CACNG2: variants seen among roughly 807,000 people sequenced by gnomAD.
CACNG2 encodes the protein calcium voltage-gated channel auxiliary subunit gamma 2, also known as voltage-dependent calcium channel gamma-2 subunit.
CACNG2 carries 3 observed loss-of-function variants against 25.9 expected under a neutral mutation model. The ratio of observed to expected loss-of-function variants is 0.12; its 90% CI spans 0.05 to 0.30. The LOEUF (loss-of-function observed/expected upper bound fraction) is 0.30, where lower values mean the gene tolerates loss of function less well. Among genes scored for constraint, CACNG2 ranks in the 10% least tolerant of loss-of-function variants. CACNG2 has a pLI of 1.00. For missense variants in CACNG2, 341 were observed against 432.5 expected, an observed-to-expected ratio of 0.79 and a Z score of 1.88; for synonymous variants, 167 against 173.3, an observed-to-expected ratio of 0.96 and a Z score of 0.29.
intron 1 of CACNG2, among the ~76,000 whole-genome samples, chr22:36,665,110 CT>C (rs1194534612): frequency 6.6e-6 from 1 of 152,142 alleles, no homozygotes; most frequent in African/African-American, 2.4e-5. Flanking sequence ...CTTGGGCAGC[CT>C]GTAGGATTTA....
intron 3 of CACNG2, among the ~76,000 whole-genome samples, chr22:36,565,490 T>G (rs1935110312): frequency 6.6e-6 from 1 of 152,108 alleles, no homozygotes; most frequent in Non-Finnish European, 1.5e-5. Flanking sequence ...TTCCTTTTTT[T>G]TTTTTTAAGA....
chr22:36,680,807 C>T (rs918046426), intron 1 of CACNG2, among the ~76,000 whole-genome samples: 1 of 148,092 alleles, frequency 6.8e-6, no homozygotes, highest in Non-Finnish European at 1.5e-5. Flanking sequence ...CATCAATCAC[C>T]ACCACCTTCA....
intron 1 of CACNG2, among the ~76,000 whole-genome samples, chr22:36,594,288 T>C (rs1935639313): frequency 6.6e-6 from 1 of 152,214 alleles, no homozygotes; most frequent in Admixed American, 6.5e-5. Flanking sequence ...CAAAGACAGA[T>C]AGTACAGAAC....
At chr22:36,653,183 G>C (rs1416919082) in intron 1 of CACNG2, among the ~76,000 whole-genome samples, 4 of 152,168 alleles carry the variant, frequency 2.6e-5, no homozygotes, top group Non-Finnish European at 5.9e-5. Flanking sequence ...TATTAGCCGG[G>C]CATGGTGGCA....
chr22:36,677,099 T>A (rs1325825716), intron 1 of CACNG2, among the ~76,000 whole-genome samples: 1 of 151,980 alleles, frequency 6.6e-6, no homozygotes, highest in African/African-American at 2.4e-5. Flanking sequence ...AGAAGAAAAA[T>A]AATAATGAAT....
intron 1 of CACNG2, among the ~76,000 whole-genome samples, chr22:36,600,649 C>A (rs1339845576): frequency 6.6e-6 from 1 of 151,360 alleles, no homozygotes; most frequent in East Asian, 1.9e-4. Context: ...CGAGTTCAAG[C>A]GATTCTTGTG....
At chr22:36,597,318 C>T (rs1286688926) in intron 1 of CACNG2, among the ~76,000 whole-genome samples, 2 of 152,226 alleles carry the variant, frequency 1.3e-5, no homozygotes, top group Non-Finnish European at 2.9e-5. Flanking sequence ...CCCACTGTGC[C>T]AGGCCCCTTT....
At chr22:36,681,207 C>T (rs1031880883) in intron 1 of CACNG2, among the ~76,000 whole-genome samples, 3 of 152,118 alleles carry the variant, frequency 2.0e-5, no homozygotes, top group Admixed American at 2.0e-4. Context: ...CATCCCTCCA[C>T]CTTCTTTCTG....
At chr22:36,673,733 G>T (rs1225748167) in intron 1 of CACNG2, among the ~76,000 whole-genome samples, 1 of 152,106 alleles carries the variant, frequency 6.6e-6, no homozygotes, top group Non-Finnish European at 1.5e-5. Flanking sequence ...CTCTTCAGAG[G>T]TTCCTGCCTT....
chr22:36,564,149 TTC>T lies in CACNG2; in HGVS notation c.*200_*201del, dbSNP rs1491359753. 3 of 487,098 alleles carry T rather than the reference TTC, an allele frequency of 6.2e-6. No homozygotes were observed. Among genetic ancestry groups the T allele is most frequent in the African/African-American group, 4.0e-5 (2 of 49,928 alleles). 30.2% of individuals were successfully genotyped at this position (487,098 alleles called of 1,614,324 possible). A position where few individuals can be genotyped will look rare whatever the true frequency, so the allele number is the denominator to read the frequency against. Reference sequence around the variant, plus strand: ...GCTTCTTTGTTCCTCTTATATTTTGTTCTTTTTTTTAAAATTTACTTGTTATG... The same window carrying T: ...GCTTCTTTGTTCCTCTTATATTTTGTTTTTTTTTAAAATTTACTTGTTATG... On this transcript the variant is annotated 3_prime_UTR_variant, in exon 4 of 4. Transcript: ENST00000300105. The surrounding 1 kb of genome is among the most constrained non-coding windows in gnomAD (Gnocchi z 6.7).
chr22:36,569,684 C>T (rs1028479294), intron 2 of CACNG2, among the ~76,000 whole-genome samples: 66 of 152,220 alleles, frequency 4.3e-4, no homozygotes, highest in African/African-American at 1.2e-3. Context: ...GGATTATAGG[C>T]GCCCGCCACC....
chr22:36,637,000 G>A (rs995392566), intron 1 of CACNG2, among the ~76,000 whole-genome samples: 1 of 152,228 alleles, frequency 6.6e-6, no homozygotes. Flanking sequence ...GGTTCTGGCT[G>A]GCAAGGACCC....
intron 2 of CACNG2, among the ~76,000 whole-genome samples, chr22:36,571,043 C>G (rs1002440877): frequency 2.0e-5 from 3 of 152,132 alleles, no homozygotes; most frequent in Admixed American, 6.5e-5. Flanking sequence ...CTGCTCTGAG[C>G]CTCAGTTTCC....
At chr22:36,582,755 C>G (rs780382404) in intron 2 of CACNG2, among the ~76,000 whole-genome samples, 11 of 151,540 alleles carry the variant, frequency 7.3e-5, no homozygotes, top group Middle Eastern at 6.8e-3. Context: ...CCCCATCCCC[C>G]GTCCCTGCTT....
In CACNG2 at chr22:36,643,459, T is replaced by C. The variant is rs374942933; in HGVS notation, c.212-55911A>G. Among the ~76,000 whole-genome samples, 23 of 147,276 alleles carry C rather than the reference T, an allele frequency of 1.6e-4. 1 individual carries two copies. Among genetic ancestry groups the C allele is most frequent in the African/African-American group, 5.3e-4 (21 of 39,802 alleles). ...ATTTGGGACTTACATTCTAATGATC[T>C]ACATCTATCTGTCTGTCTATCTATC... is the stretch of plus-strand genomic sequence containing the variant. On this transcript the variant is annotated intron_variant, in intron 1 of 3. Transcript: ENST00000300105.
chr22:36,578,916 C>A (rs1485574834), intron 2 of CACNG2, among the ~76,000 whole-genome samples: 1 of 151,640 alleles, frequency 6.6e-6, no homozygotes, highest in South Asian at 2.1e-4. Flanking sequence ...GTTCACAGTC[C>A]GTGGGGAGAA....
intron 1 of CACNG2, among the ~76,000 whole-genome samples, chr22:36,636,668 T>TGG (rs1348821289): frequency 2.6e-5 from 4 of 152,250 alleles, no homozygotes; most frequent in African/African-American, 9.6e-5. Flanking sequence ...CCCGTGGAAC[T>TGG]TCTCGTTTAT....
At chr22:36,582,894 AG>A (rs981216926) in intron 2 of CACNG2, among the ~76,000 whole-genome samples, 1 of 152,006 alleles carries the variant, frequency 6.6e-6, no homozygotes, top group African/African-American at 2.4e-5. Context: ...CCTGGCATAC[AG>A]GGGGGCCCAC....
At chr22:36,661,966 C>CTT (rs71193254) in intron 1 of CACNG2, among the ~76,000 whole-genome samples, 1,641 of 44,530 alleles carry the variant, frequency 0.037, 493 homozygotes, top group East Asian at 0.09. Flanking sequence ...CATTGCTATT[C>CTT]TTTTTTTTTT....
Sources: allele counts gnomAD v4.1 joint callset (sites outside exome capture counted in the v4.1 genomes callset), GRCh38; gene constraint gnomAD v4.1.1; non-coding constraint Gnocchi (gnomAD v3.1); transcripts MANE v1.5; gene names NCBI Gene and HGNC (gene_info 2026-07-23, HGNC 2026-07-21).